AHI1: variants seen among roughly 807,000 people sequenced by gnomAD.
AHI1 encodes the protein jouberin.
A neutral mutation model predicts 149.3 loss-of-function variants in AHI1; 123 were observed. The ratio of observed to expected loss-of-function variants is 0.82; its 90% CI spans 0.71 to 0.96. AHI1 has a LOEUF of 0.96. AHI1 is among the 40% of genes least tolerant of loss of function. AHI1 has a pLI of 0.00. For missense variants in AHI1, 1,439 were observed against 1,422.7 expected, an observed-to-expected ratio of 1.01 and a Z score of -0.18; for synonymous variants, 475 against 459.8, an observed-to-expected ratio of 1.03 and a Z score of -0.42.
At chr6:135,286,536 G>A (rs1375149730) in intron 28 of AHI1, 2 of 152,234 alleles carry the variant, frequency 1.3e-5, no homozygotes, top group African/African-American at 2.4e-5. Flanking sequence ...TGAGAAAAGT[G>A]ACAGCTGGCA....
At chr6:135,370,857 G>A (rs896487935) in intron 23 of AHI1, among the ~76,000 whole-genome samples, 2 of 151,518 alleles carry the variant, frequency 1.3e-5, no homozygotes, top group African/African-American at 4.8e-5. Context: ...TTTCTTGCCT[G>A]TTGATCTTGA....
At chr6:135,367,152 G>A (rs180743504) in intron 23 of AHI1, among the ~76,000 whole-genome samples, 2 of 152,272 alleles carry the variant, frequency 1.3e-5, no homozygotes, top group East Asian at 3.9e-4. Flanking sequence ...ATTCTTGGCT[G>A]ATGATTGTTT....
At chr6:135,412,744 C>A (rs188892712) in intron 20 of AHI1, among the ~76,000 whole-genome samples, 1 of 152,176 alleles carries the variant, frequency 6.6e-6, no homozygotes, top group East Asian at 1.9e-4. Context: ...TCCTTAGTTA[C>A]ATAATCTTGA....
intron 27 of AHI1, among the ~76,000 whole-genome samples, chr6:135,297,269 T>C (rs1274186262): frequency 6.6e-6 from 1 of 152,188 alleles, no homozygotes; most frequent in Non-Finnish European, 1.5e-5. Flanking sequence ...ATCTCTATCC[T>C]GTTTTTTTCT....
intron 13 of AHI1, among the ~76,000 whole-genome samples, chr6:135,445,957 G>T (rs2128053734): frequency 6.6e-6 from 1 of 152,178 alleles, no homozygotes; most frequent in African/African-American, 2.4e-5. Context: ...TCCGGAGGCT[G>T]AGGCAGAAGA....
intron 12 of AHI1, among the ~76,000 whole-genome samples, chr6:135,447,588 C>T (rs993727500): frequency 1.3e-5 from 2 of 152,146 alleles, no homozygotes; most frequent in Admixed American, 1.3e-4. Flanking sequence ...CAAACCAATG[C>T]AAATCAGCCC....
chr6:135,420,779 G>T (rs529458098), intron 20 of AHI1, among the ~76,000 whole-genome samples: 1 of 152,250 alleles, frequency 6.6e-6, no homozygotes, highest in East Asian at 1.9e-4. Flanking sequence ...CAATAAGGCT[G>T]TTTTACTTTC....
intron 23 of AHI1, among the ~76,000 whole-genome samples, chr6:135,388,803 G>A (rs573632727): frequency 2.2e-4 from 34 of 151,418 alleles, no homozygotes; most frequent in African/African-American, 8.3e-4. Flanking sequence ...CTTGAGGTCA[G>A]GAGTTCAAGA....
intron 23 of AHI1, among the ~76,000 whole-genome samples, chr6:135,363,723 A>T (rs1386331479): frequency 8.0e-6 from 1 of 124,738 alleles, no homozygotes; most frequent in Non-Finnish European, 1.6e-5. Context: ...GGCCGGGCAG[A>T]GGCGCCCCTC....
chr6:135,490,853 T>C (rs1052379092), intron 4 of AHI1, 106 bp from the exon 5 acceptor site: 5 of 1,353,936 alleles, frequency 3.7e-6, no homozygotes, highest in Non-Finnish European at 4.0e-6. Context: ...CGGCATGAGT[T>C]CTCTAGCTAC....
intron 23 of AHI1, among the ~76,000 whole-genome samples, chr6:135,358,406 C>G (rs1793325497): frequency 6.6e-6 from 1 of 152,108 alleles, no homozygotes; most frequent in Non-Finnish European, 1.5e-5. Context: ...AGCCTTTTTT[C>G]CCATTCAAGT....
intron 25 of AHI1, 41 bp from the exon 26 acceptor site, chr6:135,318,657 G>T: frequency 7.5e-7 from 1 of 1,341,156 alleles, no homozygotes; most frequent in Non-Finnish European, 1.0e-6. Flanking sequence ...AAATTGAGGA[G>T]CACTGCTCCA....
At chr6:135,381,914 A>C (rs1776819285) in intron 23 of AHI1, among the ~76,000 whole-genome samples, 1 of 152,320 alleles carries the variant, frequency 6.6e-6, no homozygotes, top group Admixed American at 6.5e-5. Flanking sequence ...GAAATGCTTC[A>C]ATTAACTTTT....
intron 14 of AHI1, among the ~76,000 whole-genome samples, chr6:135,439,810 G>A (rs1227202504): frequency 6.6e-6 from 1 of 152,110 alleles, no homozygotes; most frequent in Non-Finnish European, 1.5e-5. Flanking sequence ...ACTACTTGAG[G>A]TTTCAGGCTT....
intron 15 of AHI1, among the ~76,000 whole-genome samples, chr6:135,437,573 TAGA>T (rs1294081339): frequency 2.6e-5 from 4 of 152,310 alleles, no homozygotes; most frequent in African/African-American, 7.2e-5. Context: ...GCAAGATCAG[TAGA>T]AGAAGTGGTC....
chr6:135,469,746 GAA>G, intron 5 of AHI1, among the ~76,000 whole-genome samples: 2 of 152,218 alleles, frequency 1.3e-5, no homozygotes, highest in East Asian at 3.9e-4. Flanking sequence ...ATGGTGCTGG[GAA>G]AACTGTCTAG....
rs1401743453 is a variant in AHI1, at chr6:135,367,040, A to T, written c.3110-8853T>A. Among the ~76,000 whole-genome samples the T allele has an allele frequency of 2.6e-5, 4 of 152,272 alleles. No homozygotes were observed. The East Asian group carries it at 7.7e-4, about 29-fold the overall frequency. ...TCTTGATTTCATTGTTGACCCAATG[A>T]TCATTTGGGATCAGTTTATTTAACT... On this transcript the variant is annotated intron_variant, in intron 23 of 28. Transcript: ENST00000265602.
chr6:135,344,756 C>T (rs1044891416), intron 24 of AHI1, among the ~76,000 whole-genome samples: 3 of 150,002 alleles, frequency 2.0e-5, no homozygotes, highest in Admixed American at 1.3e-4. Context: ...TTTCCTTTCT[C>T]TCTCTCTCTC....
intron 24 of AHI1, among the ~76,000 whole-genome samples, chr6:135,340,271 C>T (rs1240862335): frequency 6.6e-6 from 1 of 152,042 alleles, no homozygotes; most frequent in Admixed American, 6.5e-5. Context: ...ACTGAGGAGG[C>T]TGAGGCAGGC....
Sources: gnomAD v4.1 joint callset for allele counts (sites outside exome capture counted in the v4.1 genomes callset) on GRCh38, gnomAD v4.1.1 for gene constraint, MANE v1.5 for transcripts, NCBI Gene and HGNC (gene_info 2026-07-23, HGNC 2026-07-21) for gene names.